Variants in CCDC66 observed in about 807,000 individuals in gnomAD.
CCDC66 encodes coiled-coil domain-containing protein 66.
In CCDC66, 133 loss-of-function variants were observed where a neutral mutation model predicts 128.3. The observed-to-expected ratio is 1.04, with a 90% CI of 0.90 to 1.20. The LOEUF (loss-of-function observed/expected upper bound fraction) is 1.20, where lower values mean the gene tolerates loss of function less well. Among genes scored for constraint, CCDC66 ranks in the 50% most tolerant of loss-of-function variants. CCDC66 has a pLI of 0.00. For synonymous variants in CCDC66, 387 were observed against 357.0 expected, an observed-to-expected ratio of 1.08 and a Z score of -0.95; for missense variants, 1,126 against 1,075.5, an observed-to-expected ratio of 1.05 and a Z score of -0.66.
chr3:56,617,098 C>G lies in CCDC66; in HGVS notation c.1844-14C>G. ...GTTTACAATTTTTAAAAATCATTTG[C>G]AACTTTTTTTTAGATGACTTAAATA... On this transcript the variant is annotated splice_polypyrimidine_tract_variant and intron_variant, in intron 13 of 17. Transcript: ENST00000394672. 3 of 1,492,008 alleles carry G rather than the reference C, an allele frequency of 2.0e-6. No homozygotes were observed. The highest frequency in any genetic ancestry group is 8.9e-7 in the Non-Finnish European group (1 of 1,117,472). The allele number at this position is 1,492,008 out of a possible 1,614,324, so 92.4% of individuals were successfully genotyped here.
chr3:56,617,461 A>C lies in CCDC66; in HGVS notation c.2193A>C (p.Lys731Asn), dbSNP rs77240887. 1 of 1,614,070 alleles carries C rather than the reference A, an allele frequency of 6.2e-7. No individual in the cohort carries two copies. Among genetic ancestry groups the C allele is most frequent in the Admixed American group, 1.7e-5 (1 of 60,006 alleles). ...TTCAAAAGCAGAGAGAAGAAAAAAA[A>C]GTAAGGAGGCAGATGGAATTGCTTC... ...KQLQKQREEK[K>N]VRRQMELLHL... is the part of the protein sequence containing the mutation. Residue 731 changes from lysine to asparagine, a missense_variant, in exon 14 of 18, where the codon AAA (lysine) becomes AAC (asparagine). By Grantham distance (94) the Lys-to-Asn change is moderately conservative. Coordinates refer to ENST00000394672, the MANE Select transcript of CCDC66 (RefSeq NM_001141947.3).
chr3:56,606,782 G>T (rs1333650347), intron 10 of CCDC66, among the ~76,000 whole-genome samples: 1 of 151,500 alleles, frequency 6.6e-6, no homozygotes, highest in Admixed American at 6.6e-5. Context: ...CAGGTCTTAG[G>T]TTTAAGCCCT....
At chr3:56,619,637 C>T in intron 16 of CCDC66, 110 bp downstream of exon 16, 1 of 1,486,834 alleles carries the variant, frequency 6.7e-7, no homozygotes. Flanking sequence ...TATAAAGTTT[C>T]TTGAATATGT....
rs140193610 is a variant in CCDC66 at position 56,593,950 on chromosome 3, C to T, written c.1326C>T (p.Leu442=). Residue 442 remains leucine, a synonymous_variant, in exon 10 of 18, where the codon CTC becomes CTT. Coordinates refer to ENST00000394672, the MANE Select transcript of CCDC66 (RefSeq NM_001141947.3). ...AATGTATGTATCTTGCCAGCTTTCT[C>T]CGTTCTATGACTGCTCTCTTGGACC... ...VMANSKKTNF[L]RSMTALLDPA... The T allele has an allele frequency of 2.6e-5, 42 of 1,614,018 alleles. No individual in the cohort carries two copies. The highest frequency in any genetic ancestry group is 3.0e-5 in the Non-Finnish European group (35 of 1,180,016).
At chr3:56,587,700 G>C (rs114469372) in intron 7 of CCDC66, among the ~76,000 whole-genome samples, 6 of 151,940 alleles carry the variant, frequency 3.9e-5, no homozygotes, top group African/African-American at 1.2e-4. Flanking sequence ...GTGAAACCCC[G>C]TTCCCTAAAA....
rs199867321 is a variant in CCDC66 at position 56,617,260 on chromosome 3, G to A, written c.1992G>A (p.Gln664=). 2 of 1,613,832 alleles carry A rather than the reference G, an allele frequency of 1.2e-6. No homozygotes were observed. Among genetic ancestry groups the A allele is most frequent in the African/African-American group, 2.7e-5 (2 of 74,972 alleles). Residue 664 remains glutamine (Q), a synonymous_variant, in exon 14 of 18, where the codon CAG becomes CAA. Coordinates refer to ENST00000394672, the MANE Select transcript of CCDC66 (RefSeq NM_001141947.3). ...AGAAAAACAAGCAAGAACTAACTCA[G>A]GATAAAGGAGCCAGCTTAGAAAAAG... The part of the protein sequence containing the change: ...STKKNKQELT[Q]DKGASLEKEN...
Position 56,619,827 on chromosome 3 carries a change from C to T in CCDC66, c.2686C>T (p.Leu896Phe). The change falls in exon 17 of 18, where the codon CTT becomes TTT. Residue 896 changes from leucine (L) to phenylalanine (F), a missense_variant. Transcript: ENST00000394672. ...LFDSDCVRDP[L>F]LNPNMVKNRD... is the part of the protein sequence containing the mutation. ...TGATTCTGACTGTGTCAGGGATCCA[C>T]TTCTTAATCCTAACATGGTGAAAAA... 1 of 1,614,142 alleles carries T rather than the reference C, an allele frequency of 6.2e-7. No individual in the cohort carries two copies.
intron 17 of CCDC66, 54 bp from the exon 18 acceptor site, chr3:56,621,478 T>C (rs1378985263): frequency 7.1e-6 from 8 of 1,123,162 alleles, no homozygotes; most frequent in African/African-American, 3.1e-5. Context: ...TAACACAACA[T>C]TGCAAGTCAG....
intron 17 of CCDC66, chr3:56,621,324 T>C (rs2076576434): frequency 5.3e-6 from 2 of 376,228 alleles, no homozygotes; most frequent in Non-Finnish European, 9.6e-6. Flanking sequence ...TCCCTATTGA[T>C]TTTTATGCTA....
rs181717576 is a variant in CCDC66 at position 56,617,215 on chromosome 3, T to C, written c.1947T>C (p.Leu649=). Residue 649 remains leucine (L), a synonymous_variant, in exon 14 of 18, where the codon CTT becomes CTC. Coordinates refer to ENST00000394672, the MANE Select transcript of CCDC66 (RefSeq NM_001141947.3). The part of the protein sequence containing the change: ...NCSSPEISAE[L]IGQFSTKKNK... Reference sequence around the variant, plus strand: ...CATCTCCTGAGATTTCGGCAGAACTTATTGGACAGTTTAGCACCAAGAAAA... The same window carrying C: ...CATCTCCTGAGATTTCGGCAGAACTCATTGGACAGTTTAGCACCAAGAAAA... 6.2e-7 allele frequency: 1 copy of C among 1,613,766 alleles called. No homozygotes were observed. The highest frequency in any genetic ancestry group is 1.3e-5 in the African/African-American group (1 of 75,006).
At chr3:56,561,816 C>T (rs982306445) in intron 3 of CCDC66, among the ~76,000 whole-genome samples, 10 of 152,122 alleles carry the variant, frequency 6.6e-5, no homozygotes, top group African/African-American at 2.4e-4. Context: ...TGAATTATCT[C>T]TGCATAGTGC....
Position 56,613,735 on chromosome 3 carries a change from G to A in CCDC66, c.1551G>A (p.Lys517=). The A allele has an allele frequency of 6.2e-7, 1 of 1,605,492 alleles. No homozygotes were observed. The highest frequency in any genetic ancestry group is 8.5e-7 in the Non-Finnish European group (1 of 1,177,304). Reference sequence around the variant, plus strand: ...AACAGTATGAAGAAGACATACTTAAGCAAAAACAAAAGGAAGTAGGTACTT... The same window carrying A: ...AACAGTATGAAGAAGACATACTTAAACAAAAACAAAAGGAAGTAGGTACTT... The part of the protein sequence containing the change: ...MQKQYEEDIL[K]QKQKEEIMTL... The change falls in exon 11 of 18, where the codon AAG becomes AAA. Residue 517 remains lysine (K), a synonymous_variant. Transcript: ENST00000394672.
At chr3:56,621,183 C>CA (rs144692611) in intron 17 of CCDC66, 9,721 of 151,244 alleles carry the variant, frequency 0.064, 520 homozygotes, top group East Asian at 0.34. Context: ...ACAACAACAA[C>CA]AAAAAAAAAA....
intron 7 of CCDC66, among the ~76,000 whole-genome samples, chr3:56,589,916 G>A (rs2070558696): frequency 6.6e-6 from 1 of 152,134 alleles, no homozygotes; most frequent in Non-Finnish European, 1.5e-5. Context: ...TTAGCCATTT[G>A]TTAAACCTCT....
chr3:56,587,123 G>T (rs1002819885), intron 7 of CCDC66, among the ~76,000 whole-genome samples: 1 of 151,818 alleles, frequency 6.6e-6, no homozygotes, highest in African/African-American at 2.4e-5. Flanking sequence ...TAAATTTCAA[G>T]TCCTAAGAAT....
Position 56,616,738 on chromosome 3 carries a change from A to G in CCDC66, c.1844-374A>G, listed in dbSNP as rs1475376426. ...GAACCACCAAACTCTTCTCCAAAGC[A>G]GTGGTACCATTTTACATTCCCACCA... is the stretch of plus-strand genomic sequence containing the variant. On this transcript the variant is annotated intron_variant, in intron 13 of 17. Coordinates refer to ENST00000394672, the MANE Select transcript of CCDC66 (RefSeq NM_001141947.3). 3 of 174,702 alleles carry G rather than the reference A, an allele frequency of 1.7e-5. No homozygotes were observed. The East Asian group carries it at 4.6e-4, about 27-fold the overall frequency. The allele number at this position is 174,702 out of a possible 1,614,324, so 10.8% of individuals were successfully genotyped here.
At chr3:56,609,101 C>A (rs1465660584) in intron 10 of CCDC66, among the ~76,000 whole-genome samples, 1 of 152,142 alleles carries the variant, frequency 6.6e-6, no homozygotes, top group East Asian at 1.9e-4. Context: ...ACTAAATGTT[C>A]TGTATATATC....
At chr3:56,584,875 C>T (rs1434309565) in intron 7 of CCDC66, among the ~76,000 whole-genome samples, 2 of 151,932 alleles carry the variant, frequency 1.3e-5, no homozygotes, top group Admixed American at 6.6e-5. Flanking sequence ...AGATCACTCA[C>T]GGTTAGGAGC....
chr3:56,593,859 G>A, intron 9 of CCDC66, 85 bp from the exon 10 acceptor site: 1 of 1,580,902 alleles, frequency 6.3e-7, no homozygotes, highest in South Asian at 1.1e-5. Context: ...GAAATAATTA[G>A]TAGATTTATC....
Sources: gnomAD v4.1 joint callset for allele counts (sites outside exome capture counted in the v4.1 genomes callset) on GRCh38, gnomAD v4.1.1 for gene constraint, MANE v1.5 for transcripts, NCBI Gene and HGNC (gene_info 2026-07-23, HGNC 2026-07-21) for gene names.